The following ARSA variants were observed in gnomAD, a reference collection of about 807,000 sequenced individuals.
ARSA encodes cerebroside-sulfatase.
In ARSA, 32 loss-of-function variants were observed where a neutral mutation model predicts 37.8. The observed-to-expected ratio is 0.85, with a 90% CI of 0.64 to 1.14. The LOEUF is 1.14. Ranked by LOEUF, ARSA falls within the 50% of genes most tolerant of loss-of-function variation. The probability of loss-of-function intolerance (pLI) is 0.00; values close to 1 mark genes in which losing one functional copy is unlikely to be tolerated. For missense variants in ARSA, 685 were observed against 686.3 expected (o/e 1.00, Z 0.02); for synonymous variants, 303 against 303.4 (o/e 1.00, Z 0.01).
rs2082676297 is a variant in ARSA, at chr22:50,626,746, A to G, written c.699T>C (p.Pro233=). The change falls in exon 4 of 8, where the codon CCT becomes CCC. Residue 233 remains proline (P), a synonymous_variant. Coordinates refer to ENST00000216124, the MANE Select transcript of ARSA (RefSeq NM_000487.6). ...LYYASHHTHY[P]QFSGQSFAER... ...CTGCAAAGCTCTGCCCACTGAACTG[A>G]GGGTAGTGGGTGTGCTGGGGGCAAA... 1 of 1,613,428 alleles carries G rather than the reference A, an allele frequency of 6.2e-7. No homozygotes were observed. Among genetic ancestry groups the G allele is most frequent in the Non-Finnish European group, 8.5e-7 (1 of 1,179,548 alleles).
In ARSA at chr22:50,624,642, T is replaced by C. The variant is rs141494339; in HGVS notation, c.*503A>G. Among the ~76,000 whole-genome samples the C allele has an allele frequency of 0.027, 4,127 of 152,284 alleles. 76 individuals carry two copies. Among genetic ancestry groups the C allele is most frequent in the Non-Finnish European group, 0.039 (2,620 of 68,010 alleles). On this transcript the variant is annotated 3_prime_UTR_variant, in exon 8 of 8. Coordinates refer to ENST00000216124, the MANE Select transcript of ARSA (RefSeq NM_000487.6). ...ATAAGAACCAAGGAGGTCCAGTGCC[T>C]GTGTCTCTAAGAATGCTTCTTCTGG...
At chr22:50,627,525 G>C in intron 1 of ARSA, 31 bp downstream of exon 1, 1 of 1,567,404 alleles carries the variant, frequency 6.4e-7, no homozygotes, top group Non-Finnish European at 8.6e-7. Flanking sequence ...TGGAGGGTCG[G>C]GGCGGGGAAG....
Position 50,627,830 on chromosome 22 carries a change from G to T in ARSA, c.-51C>A. The stretch of plus-strand genomic sequence containing the variant: ...AGGGAGGGCTACTTGGCTCCAGCAG[G>T]CTCTTTCCGATACCGCAGACCCAGG... On this transcript the variant is annotated 5_prime_UTR_variant, in exon 1 of 8. Transcript: ENST00000216124. 6.7e-7 allele frequency: 1 copy of T among 1,498,872 alleles called. No individual in the cohort carries two copies. The highest frequency in any genetic ancestry group is 9.0e-7 in the Non-Finnish European group (1 of 1,116,092). The allele number at this position is 1,498,872 out of a possible 1,614,324, so 92.8% of individuals were successfully genotyped here. A position where few individuals can be genotyped will look rare whatever the true frequency, so the allele number is the denominator to read the frequency against.
Position 50,625,051 on chromosome 22 carries a change from A to T in ARSA, c.*94T>A. On this transcript the variant is annotated 3_prime_UTR_variant, in exon 8 of 8. Coordinates refer to ENST00000216124, the MANE Select transcript of ARSA (RefSeq NM_000487.6). ...TCTGCAAGTCTCCACTGGTGTTATT[A>T]CGTTATCAGGCACAAACCCCCTCCA... 7.4e-7 allele frequency: 1 copy of T among 1,351,236 alleles called. No homozygotes were observed. The highest frequency in any genetic ancestry group is 9.8e-7 in the Non-Finnish European group (1 of 1,021,990). 83.7% of individuals were successfully genotyped at this position (1,351,236 alleles called of 1,614,324 possible).
At position 50,626,908 on chromosome 22, in the gene ARSA, T is replaced by A; in HGVS notation, c.610A>T (p.Met204Leu). 1 of 1,613,260 alleles carries A rather than the reference T, an allele frequency of 6.2e-7. No homozygotes were observed. Among genetic ancestry groups the A allele is most frequent in the Non-Finnish European group, 8.5e-7 (1 of 1,179,890 alleles). The change falls in exon 3 of 8, where the codon ATG (methionine) becomes TTG (leucine). Residue 204 changes from methionine to leucine, a missense_variant. Coordinates refer to ENST00000216124, the MANE Select transcript of ARSA (RefSeq NM_000487.6). ...GCCATGAGGTCATGGGCGAAAGCCATGTAGCGGGCCTCTAGTCCGGGCAGC... is the reference window on the plus strand; with the variant it reads ...GCCATGAGGTCATGGGCGAAAGCCAAGTAGCGGGCCTCTAGTCCGGGCAGC... ...PWLPGLEARYMAFAHDLMADA... is the reference protein window; with the variant it reads ...PWLPGLEARYLAFAHDLMADA...
Position 50,626,643 on chromosome 22 carries a change from C to T in ARSA, c.802G>A (p.Gly268Arg), listed in dbSNP as rs1404723529. Residue 268 changes from glycine (G) to arginine (R), a missense_variant, in exon 4 of 8, where the codon GGG (glycine) becomes AGG (arginine). By Grantham distance (125) the Gly-to-Arg change is moderately radical (BLOSUM62 -2). Transcript: ENST00000216124. ...GTCTCTTCAAGCAGCCCCAGGTCCC[C>T]TATGGCTGTCATCAGGGTCCCCACA... ...AAVGTLMTAI[G>R]DLGLLEETLV... is the part of the protein sequence containing the mutation. The T allele has an allele frequency of 6.2e-7, 1 of 1,614,116 alleles. No individual in the cohort carries two copies. Among genetic ancestry groups the T allele is most frequent in the Admixed American group, 1.7e-5 (1 of 60,034 alleles).
rs1248905311 is a variant in ARSA, at chr22:50,626,950, C to G, written c.568G>C (p.Glu190Gln). The G allele has an allele frequency of 1.9e-6, 3 of 1,613,094 alleles. No individual in the cohort carries two copies. Among genetic ancestry groups the G allele is most frequent in the Non-Finnish European group, 2.5e-6 (3 of 1,179,964 alleles). Residue 190 changes from glutamate to glutamine, a missense_variant, in exon 3 of 8, where the codon GAG (glutamate) becomes CAG (glutamine). Glu to Gln is a conservative substitution (Grantham distance 29). Transcript: ENST00000216124. ...CCGGGCAGCCAGGGGGGCTGCGCCT[C>G]CACGGACAGGTTGGCCAACAGTGGG... ...PIPLLANLSV[E>Q]AQPPWLPGLE...
At chr22:50,626,101 T>C (rs1454908908) in intron 5 of ARSA, 38 bp from the exon 6 acceptor site, 1 of 1,600,196 alleles carries the variant, frequency 6.2e-7, no homozygotes, top group Admixed American at 1.8e-5. Context: ...CAGTTCGCCA[T>C]CAAGGTTGGG....
Position 50,625,333 on chromosome 22 carries a change from C to A in ARSA, c.1342G>T (p.Ala448Ser). The A allele has an allele frequency of 1.9e-6, 3 of 1,612,200 alleles. No individual in the cohort carries two copies. The highest frequency in any genetic ancestry group is 2.2e-5 in the East Asian group (1 of 44,854). Reference protein sequence around the residue: ...GENYNLLGGVAGATPEVLQAL... With the variant: ...GENYNLLGGVSGATPEVLQAL... ...TGCAGCACCTCTGGGGTGGCCCCGG[C>A]CACACCCCCCAGCAGGTTGTAGTTC... The change falls in exon 8 of 8, where the codon GCC (alanine) becomes TCC (serine). Residue 448 changes from alanine (A) to serine (S), a missense_variant. Physicochemically the swap from Ala to Ser is moderately conservative, Grantham distance 99 (BLOSUM62 1). Coordinates refer to ENST00000216124, the MANE Select transcript of ARSA (RefSeq NM_000487.6).
chr22:50,627,707 T>C lies in ARSA; in HGVS notation c.73A>G (p.Ile25Val), dbSNP rs549154390. The change falls in exon 1 of 8, where the codon ATC becomes GTC. Residue 25 changes from isoleucine to valine, a missense_variant. Coordinates refer to ENST00000216124, the MANE Select transcript of ARSA (RefSeq NM_000487.6). The stretch of plus-strand genomic sequence containing the variant: ...AGGTCGTCGGCAAAGATCAGCACGA[T>C]GTTGGGCGGACGGGCAACGGCCAGG... Reference protein sequence around the residue: ...AGLAVARPPNIVLIFADDLGY... With the variant: ...AGLAVARPPNVVLIFADDLGY... 9.0e-6 allele frequency: 14 copies of C among 1,555,204 alleles called. No individual in the cohort carries two copies. In the South Asian group the frequency reaches 1.7e-4, roughly 18 times the overall value.
rs374150980 is a variant in ARSA at position 50,625,479 on chromosome 22, A to G, written c.1211-15T>C. 45 of 1,608,802 alleles carry G rather than the reference A, an allele frequency of 2.8e-5. No homozygotes were observed. The East Asian group carries it at 3.8e-4, about 14-fold the overall frequency. On this transcript the variant is annotated splice_polypyrimidine_tract_variant and intron_variant, in intron 7 of 7. Coordinates refer to ENST00000216124, the MANE Select transcript of ARSA (RefSeq NM_000487.6). ...GTGGGCAGAGCCTGGGGAGGGGGCCAATTCTGTGCACAGGGCAAGGGCGAG... is the reference window on the plus strand; with the variant it reads ...GTGGGCAGAGCCTGGGGAGGGGGCCGATTCTGTGCACAGGGCAAGGGCGAG...
rs1471430961 is a variant in ARSA at position 50,628,045 on chromosome 22, G to A, written c.-266C>T. The A allele has an allele frequency of 1.9e-6, 1 of 516,964 alleles. No homozygotes were observed. The highest frequency in any genetic ancestry group is 1.9e-5 in the African/African-American group (1 of 52,054). 32.0% of individuals were successfully genotyped at this position (516,964 alleles called of 1,614,324 possible). A position where few individuals can be genotyped will look rare whatever the true frequency, so the allele number is the denominator to read the frequency against. On this transcript the variant is annotated 5_prime_UTR_variant, in exon 1 of 8. Transcript: ENST00000216124. ...TCCTCGCCTAGCGGTCCGGGCTCAG[G>A]GTCGGGGGCGTAAGTCACTTGGCGC...
At position 50,627,200 on chromosome 22, in the gene ARSA, T is replaced by C. The variant is rs2082687638; in HGVS notation, c.431A>G (p.His144Arg). The C allele has an allele frequency of 1.9e-6, 3 of 1,612,598 alleles. No homozygotes were observed. The highest frequency in any genetic ancestry group is 1.7e-5 in the Admixed American group (1 of 59,944). The stretch of plus-strand genomic sequence containing the variant: ...GGAGTACGGGATGCCTAGAAATCGA[T>C]GGAAGCCCTGATGGGGGGGCAGGAA... ...GAFLPPHQGF[H>R]RFLGIPYSHD... The change falls in exon 2 of 8, where the codon CAT (histidine) becomes CGT (arginine). Residue 144 changes from histidine (H) to arginine (R), a missense_variant. Transcript: ENST00000216124.
chr22:50,624,805 A>T lies in ARSA; in HGVS notation c.*340T>A, dbSNP rs5741862. Among the ~76,000 whole-genome samples the T allele has an allele frequency of 0.13, 17,758 of 131,744 alleles. 1,795 individuals carry two copies. The highest frequency in any genetic ancestry group is 0.31 in the African/African-American group (11,421 of 36,260). 86.4% of individuals were successfully genotyped at this position (131,744 alleles called of 152,430 possible). A position where few individuals can be genotyped will look rare whatever the true frequency, so the allele number is the denominator to read the frequency against. On this transcript the variant is annotated 3_prime_UTR_variant, in exon 8 of 8. Coordinates refer to ENST00000216124, the MANE Select transcript of ARSA (RefSeq NM_000487.6). ...GTGAACAGATGTGCCCATGTCCTTG[A>T]GGCTGACGTGTGCCTGTGTGCACTG...
chr22:50,627,286 G>C lies in ARSA; in HGVS notation c.345C>G (p.Ala115=), dbSNP rs943706810. 6.9e-6 allele frequency: 11 copies of C among 1,592,310 alleles called. No homozygotes were observed. The highest frequency in any genetic ancestry group is 9.4e-6 in the Non-Finnish European group (11 of 1,170,362). The part of the protein sequence containing the change: ...EEVTVAEVLA[A]RGYLTGMAGK... ...CGGCCATTCCTGTGAGGTAGCCTCG[G>C]GCAGCCAGGACTTCGGCCACGGTCA... is the stretch of plus-strand genomic sequence containing the variant. The change falls in exon 2 of 8, where the codon GCC becomes GCG. Residue 115 remains alanine, a synonymous_variant. Coordinates refer to ENST00000216124, the MANE Select transcript of ARSA (RefSeq NM_000487.6).
chr22:50,627,505 AG>A (rs745611413), intron 1 of ARSA, 50 bp downstream of exon 1: 21 of 1,579,492 alleles, frequency 1.3e-5, no homozygotes, highest in Non-Finnish European at 1.6e-5. Flanking sequence ...ATCCATTGGG[AG>A]GAAAGGGATG....
chr22:50,625,294 G>A lies in ARSA; in HGVS notation c.1381C>T (p.Leu461Phe). Residue 461 changes from leucine to phenylalanine, a missense_variant, in exon 8 of 8, where the codon CTT (leucine) becomes TTT (phenylalanine). By Grantham distance (22) the Leu-to-Phe change is conservative. Coordinates refer to ENST00000216124, the MANE Select transcript of ARSA (RefSeq NM_000487.6). ...TPEVLQALKQLQLLKAQLDAA... is the reference protein window; with the variant it reads ...TPEVLQALKQFQLLKAQLDAA... The stretch of plus-strand genomic sequence containing the variant: ...TCTAACTGGGCCTTGAGCAGCTGAA[G>A]CTGTTTCAGGGCTTGCAGCACCTCT... 1 of 1,613,014 alleles carries A rather than the reference G, an allele frequency of 6.2e-7. No individual in the cohort carries two copies. The highest frequency in any genetic ancestry group is 8.5e-7 in the Non-Finnish European group (1 of 1,179,936).
At position 50,625,448 on chromosome 22, in the gene ARSA, A is replaced by G; in HGVS notation, c.1227T>C (p.Asp409=). Reference sequence around the variant, plus strand: ...CGTGGCAGGCAGGGTCTGCAGTGGTATCACTGTGGGCAGAGCCTGGGGAGG... The same window carrying G: ...CGTGGCAGGCAGGGTCTGCAGTGGTGTCACTGTGGGCAGAGCCTGGGGAGG... ...HFFTQGSAHS[D]TTADPACHAS... is the part of the protein sequence containing the mutation. Residue 409 remains aspartate, a synonymous_variant, in exon 8 of 8, where the codon GAT becomes GAC. Transcript: ENST00000216124. 1 of 1,601,000 alleles carries G rather than the reference A, an allele frequency of 6.2e-7. No individual in the cohort carries two copies. The highest frequency in any genetic ancestry group is 1.7e-5 in the Admixed American group (1 of 59,582).
chr22:50,625,949 A>T lies in ARSA; in HGVS notation c.1094T>A (p.Leu365Gln). ...LDGFDLSPLLLGTGKSPRQSL... is the reference protein window; with the variant it reads ...LDGFDLSPLLQGTGKSPRQSL... ...CACCGGCCCTACCTTGCCTGTGCCCAGCAGCAGGGGGCTGAGGTCAAAGCC... is the reference window on the plus strand; with the variant it reads ...CACCGGCCCTACCTTGCCTGTGCCCTGCAGCAGGGGGCTGAGGTCAAAGCC... The change falls in exon 6 of 8, where the codon CTG (leucine) becomes CAG (glutamine). Residue 365 changes from leucine to glutamine, a missense_variant. Physicochemically the swap from Leu to Gln is moderately radical, Grantham distance 113. Coordinates refer to ENST00000216124, the MANE Select transcript of ARSA (RefSeq NM_000487.6). 6.4e-7 allele frequency: 1 copy of T among 1,572,734 alleles called. No homozygotes were observed. Among genetic ancestry groups the T allele is most frequent in the South Asian group, 1.2e-5 (1 of 85,854 alleles).
Sources: allele counts gnomAD v4.1 joint callset (sites outside exome capture counted in the v4.1 genomes callset), GRCh38; gene constraint gnomAD v4.1.1; transcripts MANE v1.5; gene names NCBI Gene and HGNC (gene_info 2026-07-23, HGNC 2026-07-21).